The following TLK1 variants were observed in gnomAD, a reference collection of about 807,000 sequenced individuals.
The protein encoded by TLK1 is serine/threonine-protein kinase tousled-like 1.
In TLK1, 24 loss-of-function variants were observed where a neutral mutation model predicts 105.3. The ratio of observed to expected loss-of-function variants is 0.23; its 90% CI spans 0.17 to 0.32. The LOEUF is 0.32. Among genes scored for constraint, TLK1 ranks in the 10% least tolerant of loss-of-function variants. The pLI is 1.00. For missense variants in TLK1, 558 were observed against 910.5 expected, an observed-to-expected ratio of 0.61 and a Z score of 4.98; for synonymous variants, 321 against 310.4, an observed-to-expected ratio of 1.03 and a Z score of -0.36.
intron 1 of TLK1, among the ~76,000 whole-genome samples, chr2:171,173,751 T>A (rs1370272500): frequency 6.6e-6 from 1 of 152,158 alleles, no homozygotes; most frequent in Non-Finnish European, 1.5e-5. Flanking sequence ...TCCAGGAGGT[T>A]CAGAATTGAC....
chr2:171,137,192 G>C (rs1204951650), intron 1 of TLK1, among the ~76,000 whole-genome samples: 3 of 151,996 alleles, frequency 2.0e-5, no homozygotes, highest in African/African-American at 7.3e-5. Flanking sequence ...CAAGGTGAGA[G>C]GACTGCTTGA....
At chr2:170,997,899 A>C in intron 18 of TLK1, 76 bp from the exon 19 acceptor site, 1 of 853,324 alleles carries the variant, frequency 1.2e-6, no homozygotes, top group South Asian at 2.1e-5. Flanking sequence ...GTAAAATCTT[A>C]GAACACGAAT....
At chr2:171,125,418 G>A (rs2356608) in intron 1 of TLK1, among the ~76,000 whole-genome samples, 60,033 of 151,970 alleles carry the variant, frequency 0.4, 13,360 homozygotes, top group African/African-American at 0.59. Flanking sequence ...TTAAAAGCAC[G>A]TCTATATTTT....
intron 1 of TLK1, among the ~76,000 whole-genome samples, chr2:171,152,673 T>C (rs1246508947): frequency 6.6e-6 from 1 of 152,210 alleles, no homozygotes; most frequent in Non-Finnish European, 1.5e-5. Context: ...TAAAGCATTA[T>C]AATTTAGTTT....
Position 171,160,801 on chromosome 2 carries a change from C to G in TLK1, c.-373G>C. 1 of 388,316 alleles carries G rather than the reference C, an allele frequency of 2.6e-6. No individual in the cohort carries two copies. The highest frequency in any genetic ancestry group is 4.5e-6 in the Non-Finnish European group (1 of 221,320). 24.1% of individuals were successfully genotyped at this position (388,316 alleles called of 1,614,324 possible). A position where few individuals can be genotyped will look rare whatever the true frequency, so the allele number is the denominator to read the frequency against. ...GGACACTTCCGCGGGCGGAACCTGC[C>G]GGCACCTCTGCAGTGCGTCGGCCCC... On this transcript the variant is annotated 5_prime_UTR_variant, in exon 1 of 21. Coordinates refer to ENST00000431350, the MANE Select transcript of TLK1 (RefSeq NM_012290.5). This position sits in a 1 kb window ranked among gnomAD's most constrained non-coding sequence, Gnocchi z 4.4.
chr2:171,175,433 T>A (rs1299849860), intron 1 of TLK1, among the ~76,000 whole-genome samples: 1 of 152,190 alleles, frequency 6.6e-6, no homozygotes, highest in Non-Finnish European at 1.5e-5. Context: ...TTGTACTAGG[T>A]ATCATAAGTA....
At chr2:171,143,639 A>C (rs912748141) in intron 1 of TLK1, among the ~76,000 whole-genome samples, 1 of 151,726 alleles carries the variant, frequency 6.6e-6, no homozygotes, top group Non-Finnish European at 1.5e-5. Flanking sequence ...TATGAAGTAG[A>C]CTCTGATAAG....
At chr2:171,121,359 CTGT>C (rs1690645382) in intron 1 of TLK1, among the ~76,000 whole-genome samples, 2 of 152,140 alleles carry the variant, frequency 1.3e-5, no homozygotes, top group African/African-American at 2.4e-5. Context: ...TGGCAAAACC[CTGT>C]CTCTACAAAA....
chr2:171,085,637 T>C (rs535431785), intron 2 of TLK1, among the ~76,000 whole-genome samples: 3 of 152,254 alleles, frequency 2.0e-5, no homozygotes, highest in Non-Finnish European at 4.4e-5. Flanking sequence ...GTAAAATCCA[T>C]TTTAAACACA....
At chr2:171,099,448 C>T (rs1689596560) in intron 2 of TLK1, among the ~76,000 whole-genome samples, 1 of 152,150 alleles carries the variant, frequency 6.6e-6, no homozygotes, top group Non-Finnish European at 1.5e-5. Flanking sequence ...TCAACCTAGA[C>T]ATTCACCAAA....
intron 18 of TLK1, among the ~76,000 whole-genome samples, chr2:171,003,800 G>A (rs1390309514): frequency 6.6e-6 from 1 of 152,134 alleles, no homozygotes; most frequent in African/African-American, 2.4e-5. Context: ...TCTCTCAACT[G>A]CAAATAGCAC....
chr2:171,152,893 T>C (rs956882485), intron 1 of TLK1, among the ~76,000 whole-genome samples: 5 of 152,096 alleles, frequency 3.3e-5, no homozygotes, highest in South Asian at 2.1e-4. Context: ...ACATTTTCCA[T>C]GAATGGACAA....
intron 1 of TLK1, among the ~76,000 whole-genome samples, chr2:171,128,966 A>G (rs374712612): frequency 1.3e-5 from 2 of 150,520 alleles, no homozygotes; most frequent in African/African-American, 2.5e-5. Flanking sequence ...GAGGAAGAGT[A>G]TGTGTGTGTG....
intron 8 of TLK1, among the ~76,000 whole-genome samples, chr2:171,051,291 T>C (rs143671969): frequency 6.6e-6 from 1 of 152,260 alleles, no homozygotes; most frequent in East Asian, 1.9e-4. Context: ...CCAAGCCTCC[T>C]CCTTCCTTAA....
At chr2:171,075,695 A>G (rs1688469653) in intron 3 of TLK1, among the ~76,000 whole-genome samples, 1 of 152,224 alleles carries the variant, frequency 6.6e-6, no homozygotes, top group Admixed American at 6.5e-5. Context: ...TCAGTAAGAA[A>G]TAAATAAAGC....
chr2:171,192,318 C>T (rs908820905), intron 1 of TLK1, among the ~76,000 whole-genome samples: 3 of 152,100 alleles, frequency 2.0e-5, no homozygotes, highest in African/African-American at 4.8e-5. Context: ...TGTGAGCCAC[C>T]GGGACTGACG....
intron 2 of TLK1, among the ~76,000 whole-genome samples, chr2:171,093,601 A>G (rs868361747): frequency 1.3e-5 from 2 of 152,282 alleles, no homozygotes; most frequent in South Asian, 2.1e-4. Flanking sequence ...GTGGTAAGGT[A>G]GGAATCCGAA....
At chr2:171,225,869 A>G (rs918152383) in intron 1 of TLK1, among the ~76,000 whole-genome samples, 2 of 152,262 alleles carry the variant, frequency 1.3e-5, no homozygotes, top group Admixed American at 6.5e-5. Flanking sequence ...TTCTTTCATC[A>G]TTGCTGAATG....
At chr2:171,012,904 G>C (rs374726422) in intron 13 of TLK1, among the ~76,000 whole-genome samples, 1 of 152,088 alleles carries the variant, frequency 6.6e-6, no homozygotes, top group African/African-American at 2.4e-5. Context: ...CTGTAAAGCT[G>C]TAACAGTTGA....
Sources: allele counts gnomAD v4.1 joint callset (sites outside exome capture counted in the v4.1 genomes callset), GRCh38; gene constraint gnomAD v4.1.1; non-coding constraint Gnocchi (gnomAD v3.1); transcripts MANE v1.5; gene names NCBI Gene and HGNC (gene_info 2026-07-23, HGNC 2026-07-21).